Variants in ROBO1 observed in about 807,000 individuals in gnomAD.
The protein encoded by ROBO1 is roundabout guidance receptor 1, also known as roundabout homolog 1.
Under a neutral mutation model 195.9 loss-of-function variants are expected in ROBO1, and 149 were observed. The ratio of observed to expected loss-of-function variants is 0.76; its 90% CI spans 0.67 to 0.87. The LOEUF is 0.87. Among genes scored for constraint, ROBO1 ranks in the 40% least tolerant of loss-of-function variants. The pLI, the probability that ROBO1 is intolerant of heterozygous loss-of-function variation, is 0.00. For synonymous variants in ROBO1, 816 were observed against 733.2 expected, an observed-to-expected ratio of 1.11 and a Z score of -1.82; for missense variants, 1,933 against 2,068.3, an observed-to-expected ratio of 0.93 and a Z score of 1.27.
intron 3 of ROBO1, among the ~76,000 whole-genome samples, chr3:79,118,235 G>GTTTTT (rs397874150): frequency 1.4e-5 from 2 of 141,822 alleles, no homozygotes; most frequent in African/African-American, 5.4e-5. Context: ...AATTGTGTGG[G>GTTTTT]TTTTTTTTTT....
chr3:79,551,977 A>T (rs13076975), intron 2 of ROBO1, among the ~76,000 whole-genome samples: 22,237 of 104,692 alleles, frequency 0.21, 2,865 homozygotes, highest in African/African-American at 0.32. Context: ...CTCTCTACAG[A>T]GTTAAAAAAA....
chr3:79,024,638 T>C (rs1009924845), intron 3 of ROBO1, among the ~76,000 whole-genome samples: 1 of 152,180 alleles, frequency 6.6e-6, no homozygotes, highest in Non-Finnish European at 1.5e-5. Flanking sequence ...AAGCTTTTAA[T>C]ATGCAGATGA....
chr3:78,641,326 G>C (rs1705937614), intron 21 of ROBO1, among the ~76,000 whole-genome samples: 1 of 152,112 alleles, frequency 6.6e-6, no homozygotes, highest in Non-Finnish European at 1.5e-5. Context: ...TACACTCTAA[G>C]ATTTTATAAA....
intron 2 of ROBO1, among the ~76,000 whole-genome samples, chr3:79,418,199 G>A (rs939387777): frequency 6.6e-6 from 1 of 152,098 alleles, no homozygotes; most frequent in Non-Finnish European, 1.5e-5. Context: ...ACCTGCACTG[G>A]CACTGGTGTG....
At position 79,537,332 on chromosome 3, in the gene ROBO1, T is replaced by C. The variant is rs1469405256; in HGVS notation, c.88+52492A>G. 2.6e-5 allele frequency among the ~76,000 whole-genome samples: 4 copies of C among 152,212 alleles called. No homozygotes were observed. The East Asian group carries it at 7.8e-4, about 30-fold the overall frequency. ...ATTTGGAAGGGGAACTCACAAGGCA[T>C]TATGAGGGCATGGGAACGTGCAGGA... On this transcript the variant is annotated intron_variant, in intron 2 of 30. Coordinates refer to ENST00000464233, the MANE Select transcript of ROBO1 (RefSeq NM_002941.4).
At chr3:79,651,088 A>G (rs1945992315) in intron 1 of ROBO1, among the ~76,000 whole-genome samples, 1 of 152,028 alleles carries the variant, frequency 6.6e-6, no homozygotes, top group South Asian at 2.1e-4. Flanking sequence ...CTTTCATAAC[A>G]TGCATGTTAT....
intron 4 of ROBO1, among the ~76,000 whole-genome samples, chr3:78,876,620 T>G (rs930052349): frequency 6.6e-6 from 1 of 152,140 alleles, no homozygotes; most frequent in Non-Finnish European, 1.5e-5. Context: ...AAATTCCACA[T>G]TTAAACCAAA....
chr3:78,844,326 T>C (rs887194861), intron 4 of ROBO1, among the ~76,000 whole-genome samples: 3 of 152,138 alleles, frequency 2.0e-5, no homozygotes, highest in African/African-American at 7.2e-5. Flanking sequence ...TTCTGACCTT[T>C]ACCTGTCTGC....
At chr3:78,826,512 G>C (rs564458015) in intron 4 of ROBO1, among the ~76,000 whole-genome samples, 2 of 152,138 alleles carry the variant, frequency 1.3e-5, no homozygotes, top group Non-Finnish European at 2.9e-5. Context: ...ATAAGCATTT[G>C]CTTAGTGTAC....
rs925232761 is a variant in ROBO1, at chr3:78,889,729, C to A, written c.499+48872G>T. 1.0e-3 allele frequency among the ~76,000 whole-genome samples: 140 copies of A among 138,240 alleles called. 1 individual carries two copies. The highest frequency in any genetic ancestry group is 2.3e-4 in the South Asian group (1 of 4,336). The allele number at this position is 138,240 out of a possible 152,430, so 90.7% of individuals were successfully genotyped here. On this transcript the variant is annotated intron_variant, in intron 4 of 30. Transcript: ENST00000464233. ...ACTCCAAGAAAAAAAAAAAAAAAAA[C>A]GAGTGGGGAAAGTCAGTCAGTAAAA... is the stretch of plus-strand genomic sequence containing the variant.
At chr3:79,246,218 T>C (rs894339967) in intron 2 of ROBO1, among the ~76,000 whole-genome samples, 1 of 152,146 alleles carries the variant, frequency 6.6e-6, no homozygotes, top group Non-Finnish European at 1.5e-5. Context: ...ATGAATGCCA[T>C]TTGGTATTTT....
intron 2 of ROBO1, among the ~76,000 whole-genome samples, chr3:79,301,295 G>A (rs1437692699): frequency 6.6e-6 from 1 of 152,148 alleles, no homozygotes; most frequent in Non-Finnish European, 1.5e-5. Context: ...GCGAGAGTCC[G>A]CGACTTCTTT....
intron 2 of ROBO1, among the ~76,000 whole-genome samples, chr3:79,474,084 T>C (rs905296812): frequency 7.2e-5 from 11 of 152,130 alleles, no homozygotes; most frequent in Non-Finnish European, 2.9e-5. Flanking sequence ...CAGTGACCTG[T>C]TCAAGCTTCT....
At chr3:79,449,265 A>G (rs1486696624) in intron 2 of ROBO1, among the ~76,000 whole-genome samples, 1 of 152,066 alleles carries the variant, frequency 6.6e-6, no homozygotes, top group Non-Finnish European at 1.5e-5. Context: ...AAGATTCAGT[A>G]ATATATGTGT....
intron 8 of ROBO1, among the ~76,000 whole-genome samples, chr3:78,688,995 C>T (rs2107843045): frequency 6.6e-6 from 1 of 152,250 alleles, no homozygotes; most frequent in Non-Finnish European, 1.5e-5. Context: ...ACCTGACCTT[C>T]TAAGATTTAA....
chr3:79,464,094 T>C lies in ROBO1; in HGVS notation c.88+125730A>G, dbSNP rs1937812006. On this transcript the variant is annotated intron_variant, in intron 2 of 30. Coordinates refer to ENST00000464233, the MANE Select transcript of ROBO1 (RefSeq NM_002941.4). Reference sequence around the variant, plus strand: ...TAATATTTTCAAGGTTCTTCCATGTTGTAGCATGCATCAGATCTTAATTCC... The same window carrying C: ...TAATATTTTCAAGGTTCTTCCATGTCGTAGCATGCATCAGATCTTAATTCC... Among the ~76,000 whole-genome samples the C allele has an allele frequency of 2.0e-5, 3 of 152,322 alleles. No homozygotes were observed. The South Asian group carries it at 6.2e-4, about 32-fold the overall frequency.
At chr3:78,708,834 C>T (rs1481858080) in intron 8 of ROBO1, among the ~76,000 whole-genome samples, 2 of 152,130 alleles carry the variant, frequency 1.3e-5, no homozygotes, top group East Asian at 3.9e-4. Context: ...CATGATGCAA[C>T]ATGAAACACC....
chr3:78,828,122 A>G (rs1009776395), intron 4 of ROBO1, among the ~76,000 whole-genome samples: 5 of 152,222 alleles, frequency 3.3e-5, no homozygotes, highest in African/African-American at 9.6e-5. Context: ...GAGAAGTTTC[A>G]GTGTGGAAAG....
chr3:79,382,560 C>T (rs1344062499), intron 2 of ROBO1, among the ~76,000 whole-genome samples: 1 of 152,006 alleles, frequency 6.6e-6, no homozygotes. Flanking sequence ...TTGAATAAAG[C>T]TTTGAGATAC....
Sources: gnomAD v4.1 joint callset for allele counts (sites outside exome capture counted in the v4.1 genomes callset) on GRCh38, gnomAD v4.1.1 for gene constraint, MANE v1.5 for transcripts, NCBI Gene and HGNC (gene_info 2026-07-23, HGNC 2026-07-21) for gene names.